EPHA6: variants seen among roughly 807,000 people sequenced by gnomAD.
EPHA6 encodes ephrin type-A receptor 6.
Under a neutral mutation model 112.0 loss-of-function variants are expected in EPHA6, and 50 were observed. The ratio of observed to expected loss-of-function variants is 0.45; its 90% CI spans 0.36 to 0.56. EPHA6 has a LOEUF of 0.56. Among genes scored for constraint, EPHA6 ranks in the 20% least tolerant of loss-of-function variants. The pLI is 0.00. For missense variants in EPHA6, 1,280 were observed against 1,417.4 expected (o/e 0.90, Z 1.56); for synonymous variants, 529 against 490.7 (o/e 1.08, Z -1.03).
chr3:97,229,021 T>G (rs755343340), intron 4 of EPHA6, among the ~76,000 whole-genome samples: 8 of 152,232 alleles, frequency 5.3e-5, no homozygotes, highest in African/African-American at 9.6e-5. Flanking sequence ...TGTATCTTCT[T>G]TTGAGAATTG....
At chr3:96,832,089 C>T (rs1246939434) in intron 1 of EPHA6, among the ~76,000 whole-genome samples, 1 of 151,968 alleles carries the variant, frequency 6.6e-6, no homozygotes, top group Non-Finnish European at 1.5e-5. Flanking sequence ...AAAAGTAATT[C>T]CTTAAAAATG....
chr3:97,720,639 A>G (rs537607251), intron 15 of EPHA6, among the ~76,000 whole-genome samples: 7 of 152,278 alleles, frequency 4.6e-5, no homozygotes, highest in African/African-American at 1.7e-4. Context: ...CACATGTTAC[A>G]TCTCAGATTT....
At chr3:97,732,272 G>A (rs759879103) in intron 15 of EPHA6, among the ~76,000 whole-genome samples, 3 of 148,908 alleles carry the variant, frequency 2.0e-5, no homozygotes, top group Non-Finnish European at 3.0e-5. Context: ...CTCAACCCAC[G>A]CACTTGGCCC....
chr3:96,918,368 C>T (rs950029907), intron 2 of EPHA6, among the ~76,000 whole-genome samples: 6 of 151,974 alleles, frequency 3.9e-5, no homozygotes, highest in African/African-American at 1.4e-4. Context: ...AAAACCGTTG[C>T]TTTATGATTT....
At chr3:97,424,302 G>A (rs1451020899) in intron 6 of EPHA6, among the ~76,000 whole-genome samples, 1 of 152,130 alleles carries the variant, frequency 6.6e-6, no homozygotes, top group Non-Finnish European at 1.5e-5. Flanking sequence ...GTTAAGGTGA[G>A]ATTTTGGTGG....
At chr3:97,725,126 T>C (rs2034702860) in intron 15 of EPHA6, among the ~76,000 whole-genome samples, 1 of 152,122 alleles carries the variant, frequency 6.6e-6, no homozygotes, top group Non-Finnish European at 1.5e-5. Context: ...GTGCAGGATT[T>C]TTAGTGCTTC....
intron 2 of EPHA6, among the ~76,000 whole-genome samples, chr3:96,956,730 AAAT>A (rs1179010654): frequency 6.6e-6 from 1 of 152,088 alleles, no homozygotes; most frequent in Non-Finnish European, 1.5e-5. Context: ...CAGAAGAGAA[AAAT>A]AAAATGTATA....
At chr3:97,423,237 T>A (rs967720784) in intron 6 of EPHA6, among the ~76,000 whole-genome samples, 4 of 152,174 alleles carry the variant, frequency 2.6e-5, no homozygotes, top group Admixed American at 1.3e-4. Context: ...GATGATACAA[T>A]TTTATAGCCA....
In EPHA6 at chr3:97,585,753, TAATGG is replaced by T. The variant is rs1220955960; in HGVS notation, c.2387-6857_2387-6853del. 3.5e-3 allele frequency among the ~76,000 whole-genome samples: 535 copies of T among 152,316 alleles called. 4 individuals are homozygous for T. The highest frequency in any genetic ancestry group is 0.012 in the African/African-American group (515 of 41,570). ...GCATGTCAAGTTACAAGAATTTAGA[TAATGG>T]ACAAAGTTATGTGATTGCATCTTTG... On this transcript the variant is annotated intron_variant, in intron 11 of 17. Coordinates refer to ENST00000389672, the MANE Select transcript of EPHA6 (RefSeq NM_001080448.3).
At chr3:97,457,230 A>G (rs1560028888) in intron 7 of EPHA6, among the ~76,000 whole-genome samples, 1 of 152,184 alleles carries the variant, frequency 6.6e-6, no homozygotes. Flanking sequence ...GATGTTTTAA[A>G]GCATTAGGAG....
intron 3 of EPHA6, among the ~76,000 whole-genome samples, chr3:97,024,684 G>A (rs1438433866): frequency 6.6e-6 from 1 of 152,114 alleles, no homozygotes; most frequent in Non-Finnish European, 1.5e-5. Context: ...TATGAGCCAA[G>A]TGTTGTATTT....
At chr3:97,048,136 T>C (rs2045573198) in intron 3 of EPHA6, among the ~76,000 whole-genome samples, 1 of 152,210 alleles carries the variant, frequency 6.6e-6, no homozygotes, top group Admixed American at 6.6e-5. Flanking sequence ...AGATGAAGAT[T>C]TATTTTGTTG....
chr3:96,838,212 A>T (rs74545209), intron 1 of EPHA6, among the ~76,000 whole-genome samples: 110 of 152,142 alleles, frequency 7.2e-4, no homozygotes, highest in Non-Finnish European at 1.1e-3. Context: ...ATCCATGTCC[A>T]TGCAAAGTAC....
In EPHA6 at chr3:97,483,980, A is replaced by G. The variant is rs1490178407; in HGVS notation, c.2121A>G (p.Glu707=). Residue 707 remains glutamate, a synonymous_variant, in exon 10 of 18, where the codon GAA becomes GAG. Transcript: ENST00000389672. ...IKTYIDPDTY[E]DPSLAVHEFA... is the part of the protein sequence containing the mutation. ...CTTACATTGATCCAGATACATATGA[A>G]GACCCATCCCTAGCAGTCCATGAAT... 6.2e-7 allele frequency: 1 copy of G among 1,609,824 alleles called. No homozygotes were observed. Among genetic ancestry groups the G allele is most frequent in the South Asian group, 1.1e-5 (1 of 89,848 alleles).
chr3:97,399,179 A>G (rs559445750), intron 5 of EPHA6, among the ~76,000 whole-genome samples: 1 of 151,726 alleles, frequency 6.6e-6, no homozygotes. Context: ...TTCACAGATG[A>G]GTGAGAACAT....
intron 10 of EPHA6, among the ~76,000 whole-genome samples, chr3:97,491,733 C>A (rs2091844124): frequency 6.6e-6 from 1 of 151,652 alleles, no homozygotes; most frequent in African/African-American, 2.4e-5. Flanking sequence ...CATCCCCAGG[C>A]CTACTTGCAT....
intron 5 of EPHA6, among the ~76,000 whole-genome samples, chr3:97,288,256 A>T (rs2080544430): frequency 6.6e-6 from 1 of 152,024 alleles, no homozygotes. Flanking sequence ...CCTCTGTAGT[A>T]GTCCCATGTC....
At chr3:97,324,453 C>CTTTCTT (rs1321367127) in intron 5 of EPHA6, among the ~76,000 whole-genome samples, 1 of 144,088 alleles carries the variant, frequency 6.9e-6, no homozygotes, top group East Asian at 2.0e-4. Context: ...TTCTTTCTTT[C>CTTTCTT]TTTCTTTCTT....
intron 3 of EPHA6, among the ~76,000 whole-genome samples, chr3:97,104,701 A>C (rs754255955): frequency 5.9e-4 from 90 of 152,146 alleles, no homozygotes; most frequent in Non-Finnish European, 1.1e-3. Flanking sequence ...TTTTGGTAAC[A>C]ATTTCAGTAG....
Sources: allele counts gnomAD v4.1 joint callset (sites outside exome capture counted in the v4.1 genomes callset), GRCh38; gene constraint gnomAD v4.1.1; transcripts MANE v1.5; gene names NCBI Gene and HGNC (gene_info 2026-07-23, HGNC 2026-07-21).